The following L3MBTL4 variants were observed in gnomAD, a reference collection of about 807,000 sequenced individuals.
L3MBTL4 encodes lethal(3)malignant brain tumor-like protein 4.
Under a neutral mutation model 84.5 loss-of-function variants are expected in L3MBTL4, and 70 were observed. The ratio of observed to expected loss-of-function variants is 0.83; its 90% CI spans 0.68 to 1.01. The LOEUF (loss-of-function observed/expected upper bound fraction) is 1.01. L3MBTL4 is among the 50% of genes least tolerant of loss of function. L3MBTL4 has a pLI of 0.00. For synonymous variants in L3MBTL4, 274 were observed against 259.8 expected (o/e 1.05, Z -0.52); for missense variants, 715 against 754.8 (o/e 0.95, Z 0.62).
intron 16 of L3MBTL4, among the ~76,000 whole-genome samples, chr18:6,010,921 A>C (rs1302987127): frequency 6.6e-6 from 1 of 152,222 alleles, no homozygotes; most frequent in African/African-American, 2.4e-5. Flanking sequence ...TGACTTTAGA[A>C]TCACCCTTCA....
intron 14 of L3MBTL4, among the ~76,000 whole-genome samples, chr18:6,103,247 C>T (rs971680568): frequency 6.6e-6 from 1 of 152,174 alleles, no homozygotes; most frequent in Non-Finnish European, 1.5e-5. Context: ...ACATTACTAA[C>T]TCAATTGAAA....
chr18:6,115,811 T>A (rs1326898785), intron 14 of L3MBTL4, among the ~76,000 whole-genome samples: 1 of 152,150 alleles, frequency 6.6e-6, no homozygotes, highest in Non-Finnish European at 1.5e-5. Context: ...CCTGTGTACA[T>A]CAGAGCCACC....
At chr18:6,084,881 T>A (rs1423672771) in intron 15 of L3MBTL4, among the ~76,000 whole-genome samples, 3 of 152,176 alleles carry the variant, frequency 2.0e-5, no homozygotes, top group Non-Finnish European at 4.4e-5. Flanking sequence ...AGAGGGCCAC[T>A]GCAGGTGGAG....
At chr18:6,162,656 G>A (rs1220327021) in intron 13 of L3MBTL4, among the ~76,000 whole-genome samples, 1 of 152,158 alleles carries the variant, frequency 6.6e-6, no homozygotes, top group Non-Finnish European at 1.5e-5. Flanking sequence ...GGATGTGATT[G>A]TTTGTACACA....
intron 14 of L3MBTL4, among the ~76,000 whole-genome samples, chr18:6,119,518 G>A (rs1250347961): frequency 6.6e-6 from 1 of 152,216 alleles, no homozygotes; most frequent in Non-Finnish European, 1.5e-5. Context: ...AGAGAAAGAG[G>A]CAGGGTGTTA....
At chr18:6,387,223 C>T (rs1339685482) in intron 1 of L3MBTL4, among the ~76,000 whole-genome samples, 3 of 152,148 alleles carry the variant, frequency 2.0e-5, no homozygotes, top group South Asian at 4.1e-4. Context: ...TGAAACAGGA[C>T]GCCTTCACCT....
At chr18:6,023,400 G>T (rs781163777) in intron 16 of L3MBTL4, among the ~76,000 whole-genome samples, 1 of 152,146 alleles carries the variant, frequency 6.6e-6, no homozygotes, top group Non-Finnish European at 1.5e-5. Context: ...AAAATCTGCA[G>T]AAAGTGAGCC....
intron 16 of L3MBTL4, among the ~76,000 whole-genome samples, chr18:5,997,721 C>T (rs1013263367): frequency 2.6e-5 from 4 of 152,054 alleles, no homozygotes; most frequent in African/African-American, 9.7e-5. Flanking sequence ...GCCCTGATCA[C>T]CTTGGGCACA....
At chr18:6,084,765 C>G (rs2058203350) in intron 15 of L3MBTL4, among the ~76,000 whole-genome samples, 1 of 152,174 alleles carries the variant, frequency 6.6e-6, no homozygotes, top group Non-Finnish European at 1.5e-5. Context: ...TTGGATCATA[C>G]AACAGGAGGA....
rs781271443 is a variant in L3MBTL4 at position 6,243,316 on chromosome 18, T to G, written c.438A>C (p.Lys146Asn). 1 of 1,598,366 alleles carries G rather than the reference T, an allele frequency of 6.3e-7. No individual in the cohort carries two copies. Among genetic ancestry groups the G allele is most frequent in the Non-Finnish European group, 8.5e-7 (1 of 1,173,372 alleles). The change falls in exon 7 of 19, where the codon AAA becomes AAC. Residue 146 changes from lysine (K) to asparagine (N), a missense_variant. Coordinates refer to ENST00000317931, the MANE Select transcript of L3MBTL4 (RefSeq NM_001330559.2). ...IHPVGWCEKT[K>N]HELHIPKGYR... Reference sequence around the variant, plus strand: ...TACCCTTAGGGATGTGCAGTTCATGTTTGGTCTTTTCACACCATCCTACTG... The same window carrying G: ...TACCCTTAGGGATGTGCAGTTCATGGTTGGTCTTTTCACACCATCCTACTG...
At position 6,162,716 on chromosome 18, in the gene L3MBTL4, T is replaced by C. The variant is rs555644731; in HGVS notation, c.1096+9112A>G. 5.3e-5 allele frequency among the ~76,000 whole-genome samples: 8 copies of C among 152,342 alleles called. No individual in the cohort carries two copies. In the East Asian group the frequency reaches 1.5e-3, roughly 29 times the overall value. On this transcript the variant is annotated intron_variant, in intron 13 of 18. Coordinates refer to ENST00000317931, the MANE Select transcript of L3MBTL4 (RefSeq NM_001330559.2). ...AAGGGTGGTACATGTGACTCCTCTG[T>C]AGAGCAAATGCCCTGAAGCCTCCAT...
At chr18:6,052,684 A>T (rs1209306628) in intron 16 of L3MBTL4, among the ~76,000 whole-genome samples, 1 of 152,254 alleles carries the variant, frequency 6.6e-6, no homozygotes, top group East Asian at 1.9e-4. Context: ...CTTCTGAGGA[A>T]AGAAAGAGAA....
intron 1 of L3MBTL4, among the ~76,000 whole-genome samples, chr18:6,401,896 G>A (rs981518944): frequency 6.6e-5 from 10 of 152,326 alleles, no homozygotes; most frequent in South Asian, 2.1e-4. Context: ...GGGGCGCAGC[G>A]CCATCAAGGG....
In L3MBTL4 at chr18:6,264,041, G is replaced by A; in HGVS notation, c.128-3C>T. 6.2e-7 allele frequency: 1 copy of A among 1,604,390 alleles called. No individual in the cohort carries two copies. ...TCCCTGTGCAGCCGCTGAAGGGACT[G>A]GAAGAGAAAACACAATGACTTTTCT... On this transcript the variant is annotated splice_polypyrimidine_tract_variant and splice_region_variant and intron_variant, in intron 4 of 18. Coordinates refer to ENST00000317931, the MANE Select transcript of L3MBTL4 (RefSeq NM_001330559.2).
chr18:6,350,908 T>G (rs1410643393), intron 1 of L3MBTL4, among the ~76,000 whole-genome samples: 1 of 152,218 alleles, frequency 6.6e-6, no homozygotes, highest in Admixed American at 6.5e-5. Flanking sequence ...AATGAAATTC[T>G]AGGCCAGGCA....
chr18:6,131,396 T>C (rs975242411), intron 14 of L3MBTL4, among the ~76,000 whole-genome samples: 3 of 152,310 alleles, frequency 2.0e-5, no homozygotes, highest in African/African-American at 7.2e-5. Flanking sequence ...TCTGTTGTTT[T>C]CTTTTATTCT....
intron 14 of L3MBTL4, among the ~76,000 whole-genome samples, chr18:6,103,367 T>C (rs2058896621): frequency 6.6e-6 from 1 of 152,248 alleles, no homozygotes; most frequent in Non-Finnish European, 1.5e-5. Context: ...GGTATGAACA[T>C]GTCAAGATTA....
chr18:6,164,089 C>G (rs1348582230), intron 13 of L3MBTL4, among the ~76,000 whole-genome samples: 1 of 152,186 alleles, frequency 6.6e-6, no homozygotes, highest in African/African-American at 2.4e-5. Flanking sequence ...ATTGCTAGCA[C>G]AGCAGTCTGA....
chr18:6,379,904 C>T (rs1216243476), intron 1 of L3MBTL4, among the ~76,000 whole-genome samples: 1 of 152,188 alleles, frequency 6.6e-6, no homozygotes, highest in Non-Finnish European at 1.5e-5. Context: ...ACCAGCTCCT[C>T]CTTGTACCTC....
Sources: gnomAD v4.1 joint callset for allele counts (sites outside exome capture counted in the v4.1 genomes callset) on GRCh38, gnomAD v4.1.1 for gene constraint, MANE v1.5 for transcripts, NCBI Gene and HGNC (gene_info 2026-07-23, HGNC 2026-07-21) for gene names.